The following SEC24B variants were observed in gnomAD, a reference collection of about 807,000 sequenced individuals.
The protein encoded by SEC24B is protein transport protein Sec24B.
A neutral mutation model predicts 142.8 loss-of-function variants in SEC24B; 45 were observed. The ratio of observed to expected loss-of-function variants is 0.32; its 90% CI spans 0.25 to 0.40. SEC24B has a LOEUF of 0.40. Ranked by LOEUF, SEC24B falls within the 10% of genes least tolerant of loss-of-function variation. The pLI is 1.00. For synonymous variants in SEC24B, 574 were observed against 568.2 expected (o/e 1.01, Z -0.15); for missense variants, 1,409 against 1,526.8 (o/e 0.92, Z 1.29).
chr4:109,527,376 C>T lies in SEC24B; in HGVS notation c.3020C>T (p.Ala1007Val). 1 of 1,613,664 alleles carries T rather than the reference C, an allele frequency of 6.2e-7. No homozygotes were observed. The highest frequency in any genetic ancestry group is 8.5e-7 in the Non-Finnish European group (1 of 1,179,758). ...TLCLPVVSSLADVYAGVDVQA... is the reference protein window; with the variant it reads ...TLCLPVVSSLVDVYAGVDVQA... Reference sequence around the variant, plus strand: ...TGTTTGCCAGTGGTAAGTTCACTAGCAGATGTATATGCGGGAGTGGATGTA... The same window carrying T: ...TGTTTGCCAGTGGTAAGTTCACTAGTAGATGTATATGCGGGAGTGGATGTA... Residue 1007 changes from alanine to valine, a missense_variant, in exon 18 of 24, where the codon GCA (alanine) becomes GTA (valine). Physicochemically the swap from Ala to Val is moderately conservative, Grantham distance 64 (BLOSUM62 0). Transcript: ENST00000265175.
At chr4:109,475,980 TTC>T (rs1318499409) in intron 3 of SEC24B, among the ~76,000 whole-genome samples, 5 of 147,180 alleles carry the variant, frequency 3.4e-5, no homozygotes, top group Admixed American at 2.0e-4. Context: ...TTACAACTTT[TTC>T]TCTCTCTCTT....
At chr4:109,500,716 A>G (rs1736043162) in intron 6 of SEC24B, among the ~76,000 whole-genome samples, 2 of 152,024 alleles carry the variant, frequency 1.3e-5, no homozygotes, top group South Asian at 2.1e-4. Context: ...CAGTGGCACA[A>G]TCTTGGCTCT....
At chr4:109,491,180 A>T in intron 4 of SEC24B, 147 bp from the exon 5 acceptor site, 1 of 567,326 alleles carries the variant, frequency 1.8e-6, no homozygotes. Context: ...GGTTTTTAAA[A>T]TGTCTCTAGA....
chr4:109,469,788 A>G (rs925090124), intron 2 of SEC24B, among the ~76,000 whole-genome samples: 1 of 152,230 alleles, frequency 6.6e-6, no homozygotes, highest in African/African-American at 2.4e-5. Context: ...GGTAAACATG[A>G]TAAACGCAAC....
At chr4:109,447,421 T>C (rs898437390) in intron 1 of SEC24B, among the ~76,000 whole-genome samples, 3 of 152,230 alleles carry the variant, frequency 2.0e-5, no homozygotes, top group Non-Finnish European at 4.4e-5. Context: ...TAAAACTGTC[T>C]TCTGCCCTGA....
At position 109,463,564 on chromosome 4, in the gene SEC24B, G is replaced by A; in HGVS notation, c.797G>A (p.Gly266Asp). Residue 266 changes from glycine to aspartate, a missense_variant, in exon 2 of 24, where the codon GGC (glycine) becomes GAC (aspartate). Physicochemically the swap from Gly to Asp is moderately conservative, Grantham distance 94. Around this residue, in one of 2 missense-constraint regions of SEC24B, gnomAD observed 709 missense variants for 673.5 expected, o/e 1.05. Transcript: ENST00000265175. ...GYSTLTWSSP[G>D]LPSTQDNLIR... ...AGTACTCTAACGTGGTCATCTCCAG[G>A]CCTTCCATCGACTCAAGACAATCTC... is the stretch of plus-strand genomic sequence containing the variant. 1 of 1,614,122 alleles carries A rather than the reference G, an allele frequency of 6.2e-7. No individual in the cohort carries two copies. Among genetic ancestry groups the A allele is most frequent in the South Asian group, 1.1e-5 (1 of 91,080 alleles).
intron 1 of SEC24B, among the ~76,000 whole-genome samples, chr4:109,457,175 C>G (rs1186589556): frequency 6.6e-6 from 1 of 152,164 alleles, no homozygotes; most frequent in Non-Finnish European, 1.5e-5. Context: ...TTGAGAATTT[C>G]TGTTCTATAT....
At chr4:109,438,845 T>TA (rs892910152) in intron 1 of SEC24B, among the ~76,000 whole-genome samples, 4 of 152,224 alleles carry the variant, frequency 2.6e-5, no homozygotes, top group Non-Finnish European at 5.9e-5. Flanking sequence ...CATTGAGCAA[T>TA]ATATGGATTT....
At chr4:109,452,342 G>A (rs1446790574) in intron 1 of SEC24B, among the ~76,000 whole-genome samples, 1 of 152,156 alleles carries the variant, frequency 6.6e-6, no homozygotes, top group Non-Finnish European at 1.5e-5. Context: ...CATCTTGGTT[G>A]TTTCCAGTGT....
intron 1 of SEC24B, among the ~76,000 whole-genome samples, chr4:109,449,921 AAAAG>A (rs1729887831): frequency 6.6e-6 from 1 of 152,148 alleles, no homozygotes; most frequent in South Asian, 2.1e-4. Flanking sequence ...GCCTACTTTG[AAAAG>A]AAAGAGAAGC....
At chr4:109,521,264 A>G in intron 13 of SEC24B, 92 bp downstream of exon 13, 1 of 977,536 alleles carries the variant, frequency 1.0e-6, no homozygotes, top group South Asian at 1.5e-5. Context: ...ATATATTAGT[A>G]TTACAAATAA....
chr4:109,512,125 G>T, intron 9 of SEC24B, 42 bp downstream of exon 9: 4 of 1,526,916 alleles, frequency 2.6e-6, no homozygotes, highest in East Asian at 4.6e-5. Flanking sequence ...CCTATTTTCA[G>T]GTTTTTTTTT....
At chr4:109,503,603 G>A (rs192810710) in intron 6 of SEC24B, among the ~76,000 whole-genome samples, 1 of 151,752 alleles carries the variant, frequency 6.6e-6, no homozygotes, top group African/African-American at 2.4e-5. Flanking sequence ...TAAGTGACGC[G>A]CCCACTTCGG....
chr4:109,453,000 T>C (rs1028556098), intron 1 of SEC24B, among the ~76,000 whole-genome samples: 1 of 151,972 alleles, frequency 6.6e-6, no homozygotes, highest in African/African-American at 2.4e-5. Flanking sequence ...AGGGAAAGAG[T>C]ACAAAAGAGA....
intron 5 of SEC24B, among the ~76,000 whole-genome samples, chr4:109,492,878 CTT>C (rs1182394246): frequency 1.0e-4 from 14 of 138,862 alleles, no homozygotes; most frequent in South Asian, 2.3e-4. Flanking sequence ...CCATATCCAG[CTT>C]TTTTTTTTTT....
chr4:109,507,361 G>A (rs1161789034), intron 7 of SEC24B, among the ~76,000 whole-genome samples: 3 of 148,352 alleles, frequency 2.0e-5, no homozygotes, highest in Admixed American at 6.8e-5. Context: ...TGCAACCTCC[G>A]CCTCCCAGGT....
intron 1 of SEC24B, among the ~76,000 whole-genome samples, chr4:109,435,761 A>G (rs1728351930): frequency 6.6e-6 from 1 of 152,158 alleles, no homozygotes; most frequent in Non-Finnish European, 1.5e-5. Flanking sequence ...TTGCATGCTT[A>G]CCAGTTGGGG....
intron 1 of SEC24B, among the ~76,000 whole-genome samples, chr4:109,444,435 C>T (rs1222462996): frequency 6.7e-6 from 1 of 149,530 alleles, no homozygotes; most frequent in African/African-American, 2.5e-5. Flanking sequence ...ATTTTTCAAA[C>T]CAAATCGTAT....
chr4:109,524,892 A>C lies in SEC24B; in HGVS notation c.2583A>C (p.Ala861=), dbSNP rs1191319228. ...LALDCSGQQT[A]VDLFLLSSQY... ...TAGATTGCTCGGGACAGCAAACTGC[A>C]GTGGATTTGTTCCTTTTAAGTTCAC... Residue 861 remains alanine (A), a synonymous_variant, in exon 15 of 24, where the codon GCA becomes GCC. Coordinates refer to ENST00000265175, the MANE Select transcript of SEC24B (RefSeq NM_006323.5). The C allele has an allele frequency of 3.1e-6, 5 of 1,612,518 alleles. No individual in the cohort carries two copies. The highest frequency in any genetic ancestry group is 4.2e-6 in the Non-Finnish European group (5 of 1,179,178).
Sources: allele counts gnomAD v4.1 joint callset (sites outside exome capture counted in the v4.1 genomes callset), GRCh38; gene constraint gnomAD v4.1.1; regional missense constraint gnomAD v4.1.1; transcripts MANE v1.5; gene names NCBI Gene and HGNC (gene_info 2026-07-23, HGNC 2026-07-21).